The following GALNT13 variants were observed in gnomAD, a reference collection of about 807,000 sequenced individuals.
GALNT13 encodes the protein UDP-GalNAc:polypeptide N-acetylgalactosaminyltransferase 13.
In GALNT13, 28 loss-of-function variants were observed where a neutral mutation model predicts 64.2. The observed-to-expected ratio is 0.44, with a 90% CI of 0.32 to 0.60. The LOEUF (loss-of-function observed/expected upper bound fraction) is 0.60, where lower values mean the gene tolerates loss of function less well. Among genes scored for constraint, GALNT13 ranks in the 20% least tolerant of loss-of-function variants. The probability of loss-of-function intolerance (pLI) is 0.05; values close to 1 mark genes in which losing one functional copy is unlikely to be tolerated. For synonymous variants in GALNT13, 214 were observed against 224.6 expected, an observed-to-expected ratio of 0.95 and a Z score of 0.42; for missense variants, 577 against 669.8, an observed-to-expected ratio of 0.86 and a Z score of 1.53.
chr2:153,362,240 A>C, the GALNT13 span, among the ~76,000 whole-genome samples: 4 of 152,120 alleles, frequency 2.6e-5, no homozygotes, highest in African/African-American at 4.8e-5. Flanking sequence ...TGGAAAGGAA[A>C]AACCAGTACC....
chr2:154,022,790 G>C (rs1257566457), intron 3 of GALNT13, among the ~76,000 whole-genome samples: 1 of 151,610 alleles, frequency 6.6e-6, no homozygotes, highest in Non-Finnish European at 1.5e-5. Flanking sequence ...GTGATGTTAG[G>C]GTGTCAATTT....
At chr2:153,770,132 CTT>C in the GALNT13 span, among the ~76,000 whole-genome samples, 1 of 152,044 alleles carries the variant, frequency 6.6e-6, no homozygotes, top group African/African-American at 2.4e-5. Flanking sequence ...CATTGTGACA[CTT>C]TGTTTTTTTC....
At chr2:153,828,906 C>T in the GALNT13 span, among the ~76,000 whole-genome samples, 1 of 152,098 alleles carries the variant, frequency 6.6e-6, no homozygotes, top group Non-Finnish European at 1.5e-5. Context: ...TGCCAGATAC[C>T]CTAAATCATC....
At chr2:153,601,156 T>C in the GALNT13 span, among the ~76,000 whole-genome samples, 1 of 150,930 alleles carries the variant, frequency 6.6e-6, no homozygotes, top group East Asian at 1.9e-4. Flanking sequence ...TTTCATTATT[T>C]AGTAGGCTTT....
the GALNT13 span, among the ~76,000 whole-genome samples, chr2:153,770,967 G>A: frequency 5.4e-4 from 82 of 152,268 alleles, no homozygotes; most frequent in African/African-American, 2.0e-3. Context: ...TGGGAAGGGG[G>A]GTGGCCTAAA....
At chr2:153,985,245 C>T (rs1467234124) in intron 3 of GALNT13, among the ~76,000 whole-genome samples, 1 of 151,960 alleles carries the variant, frequency 6.6e-6, no homozygotes, top group African/African-American at 2.4e-5. Context: ...CATCACGTTC[C>T]TAAGAAAAAG....
the GALNT13 span, among the ~76,000 whole-genome samples, chr2:153,755,505 G>A: frequency 6.6e-6 from 1 of 152,052 alleles, no homozygotes; most frequent in Non-Finnish European, 1.5e-5. Flanking sequence ...GATTAGTGAT[G>A]TTGAGCATTT....
chr2:153,212,210 A>G, the GALNT13 span, among the ~76,000 whole-genome samples: 1 of 152,094 alleles, frequency 6.6e-6, no homozygotes, highest in Non-Finnish European at 1.5e-5. Context: ...TCTTCAAATT[A>G]TAAGTCCAGT....
At chr2:153,555,077 A>G in the GALNT13 span, among the ~76,000 whole-genome samples, 1 of 151,558 alleles carries the variant, frequency 6.6e-6, no homozygotes, top group African/African-American at 2.4e-5. Context: ...AAAATAATTC[A>G]TTTTATGTTT....
At chr2:153,632,786 C>T in the GALNT13 span, among the ~76,000 whole-genome samples, 1 of 151,892 alleles carries the variant, frequency 6.6e-6, no homozygotes, top group South Asian at 2.1e-4. Context: ...GAGTCTCACT[C>T]TTTTTGCCCA....
the GALNT13 span, among the ~76,000 whole-genome samples, chr2:153,248,771 G>A: frequency 3.5e-5 from 5 of 141,342 alleles, no homozygotes; most frequent in Non-Finnish European, 4.5e-5. Context: ...AGCGGAGATC[G>A]AGCCATTGCG....
chr2:154,374,501 A>T (rs1198157160), intron 9 of GALNT13, among the ~76,000 whole-genome samples: 1 of 150,716 alleles, frequency 6.6e-6, no homozygotes, highest in Non-Finnish European at 1.5e-5. Flanking sequence ...AAGCTGAACT[A>T]TAAACTTCAA....
intron 3 of GALNT13, among the ~76,000 whole-genome samples, chr2:154,129,040 T>C (rs912751393): frequency 6.6e-6 from 1 of 152,150 alleles, no homozygotes; most frequent in South Asian, 2.1e-4. Context: ...ATTTTATTGT[T>C]TTTTTAGCAT....
At chr2:153,444,028 C>T in the GALNT13 span, among the ~76,000 whole-genome samples, 1 of 152,154 alleles carries the variant, frequency 6.6e-6, no homozygotes, top group Non-Finnish European at 1.5e-5. Context: ...TTTATCTTGA[C>T]AGTGCTTAAC....
the GALNT13 span, among the ~76,000 whole-genome samples, chr2:153,453,303 G>A: frequency 4.6e-5 from 7 of 152,074 alleles, no homozygotes; most frequent in African/African-American, 1.4e-4. Flanking sequence ...TCTGCACACC[G>A]AAAGAAACTA....
chr2:153,548,420 A>T, the GALNT13 span, among the ~76,000 whole-genome samples: 1 of 152,224 alleles, frequency 6.6e-6, no homozygotes, highest in Non-Finnish European at 1.5e-5. Flanking sequence ...TTAATAAACC[A>T]AAAGATATTA....
rs1693748746 is a variant in GALNT13, at chr2:154,306,620, G to GGC, written c.1156+5032_1156+5033insCG. On this transcript the variant is annotated intron_variant, in intron 9 of 12. Coordinates refer to ENST00000392825, the MANE Select transcript of GALNT13 (RefSeq NM_052917.4). ...CAAGGTTTTTAAGGATAATTTGGTG[G>GGC]GGGGGGGGTCAAGAAATGGGGAGTG... Among the ~76,000 whole-genome samples the GGC allele has an allele frequency of 3.3e-5, 5 of 149,860 alleles. No homozygotes were observed. The South Asian group carries it at 1.1e-3, about 32-fold the overall frequency.
At chr2:154,236,872 G>A (rs908723476) in intron 4 of GALNT13, among the ~76,000 whole-genome samples, 5 of 151,928 alleles carry the variant, frequency 3.3e-5, no homozygotes, top group Non-Finnish European at 7.4e-5. Context: ...TTTTAATGAA[G>A]TGATCCCAGG....
At chr2:154,049,237 G>A (rs796103992) in intron 3 of GALNT13, among the ~76,000 whole-genome samples, 17 of 151,268 alleles carry the variant, frequency 1.1e-4, no homozygotes, top group African/African-American at 4.1e-4. Context: ...ACATTTTGCG[G>A]GTCTGTGGAA....
Sources: gnomAD v4.1 joint callset for allele counts (sites outside exome capture counted in the v4.1 genomes callset) on GRCh38, gnomAD v4.1.1 for gene constraint, MANE v1.5 for transcripts, NCBI Gene and HGNC (gene_info 2026-07-23, HGNC 2026-07-21) for gene names.